Variants in KIAA1217 observed in about 807,000 individuals in gnomAD.
KIAA1217 encodes sickle tail protein homolog.
In KIAA1217, 88 loss-of-function variants were observed where a neutral mutation model predicts 163.9. The observed-to-expected ratio is 0.54, with a 90% CI of 0.45 to 0.64. KIAA1217 has a LOEUF of 0.64. Ranked by LOEUF, KIAA1217 falls within the 30% of genes least tolerant of loss-of-function variation. KIAA1217 has a pLI of 0.00. For synonymous variants in KIAA1217, 903 were observed against 923.1 expected (o/e 0.98, Z 0.39); for missense variants, 2,372 against 2,475.0 (o/e 0.96, Z 0.88).
chr10:24,254,461 CAGTT>C (rs1473139828), intron 2 of KIAA1217, among the ~76,000 whole-genome samples: 3 of 152,252 alleles, frequency 2.0e-5, no homozygotes, highest in Admixed American at 1.3e-4. Context: ...GTGTTGAAAA[CAGTT>C]AGGTGGGTTG....
chr10:24,298,673 T>G (rs993385512), intron 2 of KIAA1217, among the ~76,000 whole-genome samples: 1 of 151,994 alleles, frequency 6.6e-6, no homozygotes, highest in African/African-American at 2.4e-5. Context: ...TAGTACCTGC[T>G]TATAGTCTCA....
chr10:23,945,226 T>G (rs1376156847), intron 1 of KIAA1217, among the ~76,000 whole-genome samples: 1 of 152,004 alleles, frequency 6.6e-6, no homozygotes, highest in Non-Finnish European at 1.5e-5. Context: ...GTGGAAATAA[T>G]GAAATTTTCA....
chr10:23,842,335 A>G (rs1170524598), intron 1 of KIAA1217, among the ~76,000 whole-genome samples: 1 of 152,182 alleles, frequency 6.6e-6, no homozygotes, highest in African/African-American at 2.4e-5. Context: ...CCAAATTTCC[A>G]GAAACAACAA....
intron 2 of KIAA1217, among the ~76,000 whole-genome samples, chr10:24,062,897 G>A (rs747865781): frequency 3.0e-4 from 43 of 143,334 alleles, no homozygotes; most frequent in Non-Finnish European, 5.3e-4. Flanking sequence ...CAGTGATGAT[G>A]AGCATTTTTT....
chr10:24,344,965 C>T (rs1038558852), intron 2 of KIAA1217, among the ~76,000 whole-genome samples: 1 of 152,164 alleles, frequency 6.6e-6, no homozygotes, highest in Non-Finnish European at 1.5e-5. Flanking sequence ...AATCCATCAT[C>T]AACTGAATGG....
At chr10:24,198,497 T>C (rs912078061) in intron 2 of KIAA1217, among the ~76,000 whole-genome samples, 20 of 150,870 alleles carry the variant, frequency 1.3e-4, no homozygotes, top group African/African-American at 4.9e-4. Context: ...TAATCCCAGC[T>C]ATTTGGATGG....
chr10:24,520,971 C>T (rs190365669), intron 11 of KIAA1217, among the ~76,000 whole-genome samples: 24 of 149,940 alleles, frequency 1.6e-4, no homozygotes, highest in African/African-American at 5.9e-4. Flanking sequence ...GCAGGAAAAT[C>T]GCCTGAGGCC....
intron 1 of KIAA1217, among the ~76,000 whole-genome samples, chr10:23,752,307 T>C (rs1238125042): frequency 6.6e-6 from 1 of 152,218 alleles, no homozygotes; most frequent in African/African-American, 2.4e-5. Context: ...TTTTGGTTCC[T>C]GAGACATTTA....
At chr10:24,234,044 G>A (rs1028641454) in intron 2 of KIAA1217, among the ~76,000 whole-genome samples, 2 of 151,768 alleles carry the variant, frequency 1.3e-5, no homozygotes, top group African/African-American at 4.8e-5. Context: ...ATTTACATTT[G>A]TTTGCATCTG....
intron 2 of KIAA1217, among the ~76,000 whole-genome samples, chr10:24,127,515 C>T (rs1165264699): frequency 6.6e-6 from 1 of 152,172 alleles, no homozygotes; most frequent in Non-Finnish European, 1.5e-5. Flanking sequence ...TGCCTTGAGA[C>T]ATGTTCCTGA....
At chr10:23,714,164 C>T (rs752974441) in intron 1 of KIAA1217, among the ~76,000 whole-genome samples, 1 of 152,000 alleles carries the variant, frequency 6.6e-6, no homozygotes, top group African/African-American at 2.4e-5. Context: ...CTTCTAAATA[C>T]ATATTTCCCC....
At chr10:24,075,119 T>TGC (rs1461536972) in intron 2 of KIAA1217, among the ~76,000 whole-genome samples, 10 of 131,500 alleles carry the variant, frequency 7.6e-5, no homozygotes, top group Admixed American at 1.6e-4. Context: ...TCCCCCTAAA[T>TGC]ACACACACAC....
At chr10:24,423,245 G>A (rs568569635) in intron 3 of KIAA1217, among the ~76,000 whole-genome samples, 84 of 151,490 alleles carry the variant, frequency 5.5e-4, no homozygotes, top group African/African-American at 1.8e-3. Flanking sequence ...TGTTCTTTCA[G>A]GGTGCTAACA....
Position 24,389,936 on chromosome 10 carries a change from A to G in KIAA1217, c.553+8869A>G, listed in dbSNP as rs143661552. 3.9e-5 allele frequency among the ~76,000 whole-genome samples: 6 copies of G among 152,128 alleles called. No individual in the cohort carries two copies. In the East Asian group the frequency reaches 1.2e-3, roughly 29 times the overall value. Reference sequence around the variant, plus strand: ...CATCTCTAGTACTGAAGTGAAGGTGAGGCCCAACTCTGCATCTGTGCTGGC... The same window carrying G: ...CATCTCTAGTACTGAAGTGAAGGTGGGGCCCAACTCTGCATCTGTGCTGGC... On this transcript the variant is annotated intron_variant, in intron 3 of 20. Coordinates refer to ENST00000376454, the MANE Select transcript of KIAA1217 (RefSeq NM_019590.5).
At chr10:24,230,707 T>C (rs948959663) in intron 2 of KIAA1217, among the ~76,000 whole-genome samples, 3 of 152,042 alleles carry the variant, frequency 2.0e-5, no homozygotes, top group Non-Finnish European at 2.9e-5. Context: ...ACTTTTGCAT[T>C]TTTAGTTGAA....
intron 2 of KIAA1217, among the ~76,000 whole-genome samples, chr10:24,244,945 T>A (rs1317965087): frequency 6.6e-6 from 1 of 152,104 alleles, no homozygotes; most frequent in African/African-American, 2.4e-5. Context: ...AGTCTTCAAC[T>A]TCCTGGTTGT....
At chr10:23,877,487 C>A (rs1014595308) in intron 1 of KIAA1217, 1 of 151,432 alleles carries the variant, frequency 6.6e-6, no homozygotes, top group Non-Finnish European at 1.5e-5. Context: ...CATCGAACAC[C>A]TGTAGTGGGT....
intron 2 of KIAA1217, among the ~76,000 whole-genome samples, chr10:24,293,033 T>TTTTTTG (rs1293414287): frequency 6.6e-6 from 1 of 151,976 alleles, no homozygotes; most frequent in African/African-American, 2.4e-5. Context: ...CGGGAAGTTG[T>TTTTTTG]TTTTTGTTTT....
chr10:24,330,944 T>G (rs143338110), intron 2 of KIAA1217, among the ~76,000 whole-genome samples: 9 of 151,908 alleles, frequency 5.9e-5, no homozygotes, highest in Admixed American at 2.6e-4. Context: ...TATATATATT[T>G]TTTTATTTTT....
Sources: allele counts gnomAD v4.1 joint callset (sites outside exome capture counted in the v4.1 genomes callset), GRCh38; gene constraint gnomAD v4.1.1; transcripts MANE v1.5; gene names NCBI Gene and HGNC (gene_info 2026-07-23, HGNC 2026-07-21).